Variants in STAG1 observed in about 807,000 individuals in gnomAD.
STAG1 encodes STAG1 cohesin complex component.
In STAG1, 26 loss-of-function variants were observed where a neutral mutation model predicts 170.9. That is an observed-to-expected ratio of 0.15 (90% CI 0.11 to 0.21). The LOEUF (loss-of-function observed/expected upper bound fraction) is 0.21, where lower values mean the gene tolerates loss of function less well. Among genes scored for constraint, STAG1 ranks in the 10% least tolerant of loss-of-function variants. The probability of loss-of-function intolerance (pLI) is 1.00; values close to 1 mark genes in which losing one functional copy is unlikely to be tolerated. For missense variants in STAG1, 964 were observed against 1,509.5 expected (o/e 0.64, Z 5.99); for synonymous variants, 514 against 497.7 (o/e 1.03, Z -0.44).
chr3:136,440,338 C>G (rs182586403), intron 15 of STAG1, among the ~76,000 whole-genome samples: 2 of 152,078 alleles, frequency 1.3e-5, no homozygotes, highest in East Asian at 3.9e-4. Context: ...GGGGTTTCAC[C>G]GTGTTAGCCA....
intron 2 of STAG1, among the ~76,000 whole-genome samples, chr3:136,625,685 T>C (rs1403724358): frequency 6.6e-6 from 1 of 152,180 alleles, no homozygotes; most frequent in African/African-American, 2.4e-5. Context: ...CTCAGAACAA[T>C]ATAATCTGTT....
At chr3:136,380,747 T>C (rs905972502) in intron 22 of STAG1, among the ~76,000 whole-genome samples, 10 of 151,924 alleles carry the variant, frequency 6.6e-5, no homozygotes, top group African/African-American at 1.9e-4. Context: ...AGGCCAGGCA[T>C]GATGGCTCAC....
Position 136,472,473 on chromosome 3 carries a change from G to A in STAG1, c.1145C>T (p.Thr382Ile). ...AGCAACATCATATTCTTTATCAAGT[G>A]TCATTGATACAATGCGATCCTGAGA... ...NRFKDRIVSM[T>I]LDKEYDVAVE... Residue 382 changes from threonine (T) to isoleucine (I), a missense_variant, in exon 12 of 34, where the codon ACA (threonine) becomes ATA (isoleucine). This residue lies in a region of STAG1 where 162 missense variants were observed against 211.2 expected (regional missense o/e 0.77). Coordinates refer to ENST00000383202, the MANE Select transcript of STAG1 (RefSeq NM_005862.3). The A allele has an allele frequency of 6.2e-7, 1 of 1,612,340 alleles. No homozygotes were observed. Among genetic ancestry groups the A allele is most frequent in the Non-Finnish European group, 8.5e-7 (1 of 1,179,012 alleles).
chr3:136,534,957 C>A (rs1300527476), intron 6 of STAG1, among the ~76,000 whole-genome samples: 1 of 152,176 alleles, frequency 6.6e-6, no homozygotes, highest in Non-Finnish European at 1.5e-5. Context: ...GCATGTTTAT[C>A]ACAGCACTAT....
intron 6 of STAG1, among the ~76,000 whole-genome samples, chr3:136,534,359 C>G (rs1029867771): frequency 6.6e-6 from 1 of 151,650 alleles, no homozygotes; most frequent in Non-Finnish European, 1.5e-5. Context: ...AATTTATAGC[C>G]AAGACATCAA....
At chr3:136,362,965 C>A (rs1339928120) in intron 26 of STAG1, among the ~76,000 whole-genome samples, 4 of 151,816 alleles carry the variant, frequency 2.6e-5, no homozygotes, top group African/African-American at 7.3e-5. Flanking sequence ...TCCACTAGGC[C>A]CCCTGAAATC....
At chr3:136,381,141 T>C (rs563809459) in intron 22 of STAG1, among the ~76,000 whole-genome samples, 6 of 151,812 alleles carry the variant, frequency 4.0e-5, no homozygotes, top group Admixed American at 3.9e-4. Context: ...AGATGTCTAG[T>C]AGGCAGCTGC....
chr3:136,535,492 G>C (rs1233134531), intron 6 of STAG1, among the ~76,000 whole-genome samples: 1 of 152,120 alleles, frequency 6.6e-6, no homozygotes, highest in African/African-American at 2.4e-5. Flanking sequence ...GCGAAACTTT[G>C]TCTCTACTAA....
At chr3:136,502,918 T>C in intron 7 of STAG1, 139 bp from the exon 8 acceptor site, 1 of 660,028 alleles carries the variant, frequency 1.5e-6, no homozygotes, top group Non-Finnish European at 2.2e-6. Context: ...TAAGTTTAAA[T>C]AAAAGATAAC....
intron 1 of STAG1, among the ~76,000 whole-genome samples, chr3:136,667,160 C>A (rs1310532606): frequency 6.6e-6 from 1 of 151,980 alleles, no homozygotes; most frequent in Non-Finnish European, 1.5e-5. Context: ...AATAACATCA[C>A]CAGTAAACAA....
chr3:136,487,458 T>C lies in STAG1; in HGVS notation c.903-10046A>G, dbSNP rs140969998. Among the ~76,000 whole-genome samples, 76 of 152,326 alleles carry C rather than the reference T, an allele frequency of 5.0e-4. 1 individual carries two copies. In the East Asian group the frequency reaches 0.013, roughly 25 times the overall value. The stretch of plus-strand genomic sequence containing the variant: ...TCTAGGAATCCCAGTCCTTGTCTAC[T>C]TCAGATGCCAGTTCAATCCTTCCCA... On this transcript the variant is annotated intron_variant, in intron 9 of 33. Transcript: ENST00000383202.
At chr3:136,349,034 T>C (rs1283958063) in intron 29 of STAG1, 124 bp downstream of exon 29, 2 of 755,724 alleles carry the variant, frequency 2.6e-6, no homozygotes, top group Non-Finnish European at 4.4e-6. Flanking sequence ...TAACATCTCA[T>C]TGTGAATAAA....
chr3:136,509,328 G>A (rs1933934344), intron 7 of STAG1, among the ~76,000 whole-genome samples: 1 of 151,810 alleles, frequency 6.6e-6, no homozygotes, highest in Non-Finnish European at 1.5e-5. Flanking sequence ...GTTAGGATGT[G>A]GAAATAACCC....
intron 6 of STAG1, among the ~76,000 whole-genome samples, chr3:136,539,424 G>T (rs960254609): frequency 1.3e-5 from 2 of 152,114 alleles, no homozygotes; most frequent in Non-Finnish European, 2.9e-5. Context: ...CAAAAATCAC[G>T]CAATTTATCA....
At chr3:136,657,873 C>T (rs1160008571) in intron 1 of STAG1, among the ~76,000 whole-genome samples, 1 of 152,062 alleles carries the variant, frequency 6.6e-6, no homozygotes, top group Non-Finnish European at 1.5e-5. Context: ...CACTAGAATG[C>T]AATAGTAGCT....
chr3:136,550,825 G>C (rs968582014), intron 5 of STAG1, among the ~76,000 whole-genome samples: 23 of 152,134 alleles, frequency 1.5e-4, no homozygotes, highest in African/African-American at 5.6e-4. Flanking sequence ...TTAAGAAGCA[G>C]TGGTCAGGTA....
intron 22 of STAG1, among the ~76,000 whole-genome samples, chr3:136,396,434 G>A (rs1177639656): frequency 6.9e-6 from 1 of 144,228 alleles, no homozygotes; most frequent in Non-Finnish European, 1.5e-5. Context: ...TGTTAGCCAG[G>A]ATGGTCTCGA....
rs1385487785 is a variant in STAG1 at position 136,608,503 on chromosome 3, G to A, written c.133-4030C>T. Among the ~76,000 whole-genome samples, 381 of 122,180 alleles carry A rather than the reference G, an allele frequency of 3.1e-3. No individual in the cohort carries two copies. In the Middle Eastern group the frequency reaches 0.033, roughly 11 times the overall value. 80.2% of individuals were successfully genotyped at this position (122,180 alleles called of 152,430 possible). On this transcript the variant is annotated intron_variant, in intron 3 of 33. Coordinates refer to ENST00000383202, the MANE Select transcript of STAG1 (RefSeq NM_005862.3). ...CCGTGATTATAGCACTGTACTCCTG[G>A]ATGACAGCGAGACCCTATCTCAAAA...
Position 136,357,704 on chromosome 3 carries a change from G to A in STAG1, c.3065+16C>T. 1 of 1,571,234 alleles carries A rather than the reference G, an allele frequency of 6.4e-7. No individual in the cohort carries two copies. The highest frequency in any genetic ancestry group is 1.2e-5 in the South Asian group (1 of 83,044). On this transcript the variant is annotated intron_variant, in intron 28 of 33. Coordinates refer to ENST00000383202, the MANE Select transcript of STAG1 (RefSeq NM_005862.3). Reference sequence around the variant, plus strand: ...TATTATTATAAAAACCACTTCTCTTGTAATGTGCAACTTACACTGTCTTTT... The same window carrying A: ...TATTATTATAAAAACCACTTCTCTTATAATGTGCAACTTACACTGTCTTTT...
Sources: gnomAD v4.1 joint callset for allele counts (sites outside exome capture counted in the v4.1 genomes callset) on GRCh38, gnomAD v4.1.1 for gene constraint, gnomAD v4.1.1 regional missense constraint, MANE v1.5 for transcripts, NCBI Gene and HGNC (gene_info 2026-07-23, HGNC 2026-07-21) for gene names.